The following PELI2 variants were observed in gnomAD, a reference collection of about 807,000 sequenced individuals.
PELI2 encodes the protein E3 ubiquitin-protein ligase pellino homolog 2.
Under a neutral mutation model 42.3 loss-of-function variants are expected in PELI2, and 23 were observed. The ratio of observed to expected loss-of-function variants is 0.54; its 90% CI spans 0.39 to 0.77. The LOEUF (loss-of-function observed/expected upper bound fraction) is 0.77. PELI2 is among the 30% of genes least tolerant of loss of function. The pLI is 0.00. For synonymous variants in PELI2, 245 were observed against 212.2 expected, an observed-to-expected ratio of 1.15 and a Z score of -1.34; for missense variants, 463 against 553.2, an observed-to-expected ratio of 0.84 and a Z score of 1.64.
At chr14:56,266,594 A>C (rs746521186) in intron 2 of PELI2, among the ~76,000 whole-genome samples, 1 of 152,008 alleles carries the variant, frequency 6.6e-6, no homozygotes, top group Non-Finnish European at 1.5e-5. Context: ...TACTCCCTAT[A>C]GTGGGGAGAG....
chr14:56,169,863 C>A (rs958691962), intron 1 of PELI2, among the ~76,000 whole-genome samples: 1 of 152,114 alleles, frequency 6.6e-6, no homozygotes, highest in South Asian at 2.1e-4. Flanking sequence ...CAGGGGAAGT[C>A]CATGCATATA....
intron 1 of PELI2, among the ~76,000 whole-genome samples, chr14:56,135,461 C>T (rs899141208): frequency 3.9e-5 from 6 of 152,090 alleles, no homozygotes; most frequent in African/African-American, 1.4e-4. Context: ...CAGATATTTT[C>T]TCTGATAAAT....
At chr14:56,189,094 G>A (rs1326057106) in intron 2 of PELI2, among the ~76,000 whole-genome samples, 1 of 152,182 alleles carries the variant, frequency 6.6e-6, no homozygotes, top group Non-Finnish European at 1.5e-5. Context: ...GGGTTGTGGA[G>A]GTTGCAGTGA....
intron 2 of PELI2, among the ~76,000 whole-genome samples, chr14:56,211,175 C>T (rs536616173): frequency 1.1e-4 from 16 of 152,354 alleles, no homozygotes; most frequent in African/African-American, 3.4e-4. Context: ...TCACCGCTGT[C>T]GAGTGCTTTG....
intron 1 of PELI2, among the ~76,000 whole-genome samples, chr14:56,161,298 G>GT (rs762106360): frequency 0.03 from 4,143 of 140,278 alleles, 94 homozygotes; most frequent in African/African-American, 0.071. Context: ...CTGTTCATCT[G>GT]TTTTTTTTTT....
chr14:56,183,288 G>A (rs969723069), intron 2 of PELI2, among the ~76,000 whole-genome samples: 1 of 151,992 alleles, frequency 6.6e-6, no homozygotes, highest in Non-Finnish European at 1.5e-5. Context: ...TACTGTGCAG[G>A]AATATAAACC....
chr14:56,207,199 A>T, intron 2 of PELI2, among the ~76,000 whole-genome samples: 1 of 152,308 alleles, frequency 6.6e-6, no homozygotes, highest in African/African-American at 2.4e-5. Flanking sequence ...TACATTGACC[A>T]CAAAGCTGGG....
chr14:56,235,281 A>G lies in PELI2; in HGVS notation c.208-44395A>G, dbSNP rs534558375. 2.6e-5 allele frequency among the ~76,000 whole-genome samples: 4 copies of G among 152,332 alleles called. No individual in the cohort carries two copies. In the South Asian group the frequency reaches 6.2e-4, roughly 24 times the overall value. On this transcript the variant is annotated intron_variant, in intron 2 of 5. Transcript: ENST00000267460. ...ACCTGCTAGAGAAGTAAATAATACA[A>G]AGGCCTAAAGAAAAAAGATTATTAT...
At chr14:56,205,400 G>A (rs1158835356) in intron 2 of PELI2, among the ~76,000 whole-genome samples, 1 of 152,174 alleles carries the variant, frequency 6.6e-6, no homozygotes, top group East Asian at 1.9e-4. Flanking sequence ...ATGGGGTCAT[G>A]AGCCTGTAGG....
chr14:56,257,540 T>A (rs1459565676), intron 2 of PELI2, among the ~76,000 whole-genome samples: 1 of 118,986 alleles, frequency 8.4e-6, no homozygotes, highest in Non-Finnish European at 1.7e-5. Flanking sequence ...TCTATGTATA[T>A]ATTCATGTGA....
rs1420292834 is a variant in PELI2 at position 56,296,683 on chromosome 14, G to T, written c.780G>T (p.Gly260=). 6.2e-7 allele frequency: 1 copy of T among 1,613,992 alleles called. No homozygotes were observed. Among genetic ancestry groups the T allele is most frequent in the East Asian group, 2.2e-5 (1 of 44,886 alleles). The change falls in exon 6 of 6, where the codon GGG becomes GGT. Residue 260 remains glycine, a synonymous_variant. Coordinates refer to ENST00000267460, the MANE Select transcript of PELI2 (RefSeq NM_021255.3). ...CTCTCCTCTGGAGAACAGCAGATGG[G>T]CTTTTTCATACTCCAACTCAGAAGC... ...GATLLWRTAD[G]LFHTPTQKHI... is the part of the protein sequence containing the mutation.
At chr14:56,191,230 C>G (rs1025623760) in intron 2 of PELI2, among the ~76,000 whole-genome samples, 1 of 152,214 alleles carries the variant, frequency 6.6e-6, no homozygotes, top group South Asian at 2.1e-4. Context: ...AATGAATGAG[C>G]AACACCCAGC....
At chr14:56,286,259 A>G (rs1408602526) in intron 3 of PELI2, among the ~76,000 whole-genome samples, 1 of 152,180 alleles carries the variant, frequency 6.6e-6, no homozygotes, top group Non-Finnish European at 1.5e-5. Context: ...ACCAAGTGTC[A>G]ATGGAAAGAT....
intron 2 of PELI2, among the ~76,000 whole-genome samples, chr14:56,258,507 G>A (rs1379803897): frequency 6.6e-6 from 1 of 151,988 alleles, no homozygotes; most frequent in Non-Finnish European, 1.5e-5. Context: ...AAATGTGCAT[G>A]TTGAGAAGAA....
chr14:56,130,599 T>C (rs10150333), intron 1 of PELI2, among the ~76,000 whole-genome samples: 89,647 of 151,900 alleles, frequency 0.59, 26,938 homozygotes, highest in African/African-American at 0.7. Context: ...TGCCCACATA[T>C]GCGCTTTGCC....
chr14:56,291,487 A>G (rs1389550132), intron 5 of PELI2, among the ~76,000 whole-genome samples: 3 of 152,180 alleles, frequency 2.0e-5, no homozygotes, highest in Non-Finnish European at 4.4e-5. Context: ...ACAGTGCACC[A>G]TGGCTGAATA....
rs2139913366 is a variant in PELI2, at chr14:56,297,479, A to G, written c.*313A>G. On this transcript the variant is annotated 3_prime_UTR_variant, in exon 6 of 6. Transcript: ENST00000267460. ...TTAACCAAGTTTTTTTTTTTTTGTA[A>G]TCTTGGACAAGACTTTAAATCATAT... The G allele has an allele frequency of 3.8e-6, 1 of 262,084 alleles. No individual in the cohort carries two copies. The highest frequency in any genetic ancestry group is 4.9e-5 in the Admixed American group (1 of 20,470). 16.2% of individuals were successfully genotyped at this position (262,084 alleles called of 1,614,324 possible). A position where few individuals can be genotyped will look rare whatever the true frequency, so the allele number is the denominator to read the frequency against.
chr14:56,238,988 T>C (rs1343040542), intron 2 of PELI2, among the ~76,000 whole-genome samples: 3 of 152,232 alleles, frequency 2.0e-5, no homozygotes, highest in Admixed American at 6.5e-5. Flanking sequence ...AAACATACTT[T>C]ATTGTTAATG....
intron 2 of PELI2, among the ~76,000 whole-genome samples, chr14:56,261,423 T>A (rs965625567): frequency 1.2e-4 from 18 of 152,188 alleles, no homozygotes; most frequent in South Asian, 1.0e-3. Flanking sequence ...TTTCTAATGA[T>A]GGAAACAGGA....
Sources: allele counts gnomAD v4.1 joint callset (sites outside exome capture counted in the v4.1 genomes callset), GRCh38; gene constraint gnomAD v4.1.1; transcripts MANE v1.5; gene names NCBI Gene and HGNC (gene_info 2026-07-23, HGNC 2026-07-21).